SNTG1: variants seen among roughly 807,000 people sequenced by gnomAD.
SNTG1 encodes the protein gamma-1-syntrophin.
Under a neutral mutation model 74.7 loss-of-function variants are expected in SNTG1, and 39 were observed. That is an observed-to-expected ratio of 0.52 (90% CI 0.40 to 0.68). The LOEUF (loss-of-function observed/expected upper bound fraction) is 0.68, where lower values mean the gene tolerates loss of function less well. Ranked by LOEUF, SNTG1 falls within the 30% of genes least tolerant of loss-of-function variation. SNTG1 has a pLI of 0.00. For missense variants in SNTG1, 685 were observed against 609.5 expected (o/e 1.12, Z -1.30); for synonymous variants, 254 against 217.1 (o/e 1.17, Z -1.49).
chr8:50,346,192 T>C (rs1239573520), intron 2 of SNTG1, among the ~76,000 whole-genome samples: 1 of 152,228 alleles, frequency 6.6e-6, no homozygotes, highest in East Asian at 1.9e-4. Flanking sequence ...GTGACAACAG[T>C]GCATCAAGCA....
chr8:50,051,239 GACACACAC>G (rs145739550), intron 1 of SNTG1, among the ~76,000 whole-genome samples: 7 of 147,218 alleles, frequency 4.8e-5, no homozygotes, highest in Admixed American at 1.4e-4. Flanking sequence ...AGAAAATCTT[GACACACAC>G]ACACACACAC....
At chr8:50,641,138 C>T (rs1317880555) in intron 13 of SNTG1, among the ~76,000 whole-genome samples, 1 of 152,124 alleles carries the variant, frequency 6.6e-6, no homozygotes, top group Non-Finnish European at 1.5e-5. Context: ...GCCATAGTGA[C>T]TCATCCCACA....
intron 13 of SNTG1, among the ~76,000 whole-genome samples, chr8:50,633,756 T>TTATC (rs2095019959): frequency 6.6e-6 from 1 of 152,174 alleles, no homozygotes; most frequent in Admixed American, 6.5e-5. Flanking sequence ...GGTACCCATG[T>TTATC]TATCATCTTC....
chr8:50,721,077 A>T (rs1348006002), intron 17 of SNTG1, among the ~76,000 whole-genome samples: 1 of 152,200 alleles, frequency 6.6e-6, no homozygotes, highest in Admixed American at 6.5e-5. Flanking sequence ...TTTGTTCAAC[A>T]TGTAAGCCTT....
intron 11 of SNTG1, among the ~76,000 whole-genome samples, chr8:50,550,815 T>C (rs1409365092): frequency 6.6e-6 from 1 of 152,136 alleles, no homozygotes; most frequent in Non-Finnish European, 1.5e-5. Context: ...GATTTCATAA[T>C]AAATATTAAC....
intron 15 of SNTG1, among the ~76,000 whole-genome samples, chr8:50,695,580 C>T (rs1448220274): frequency 6.6e-6 from 1 of 151,554 alleles, no homozygotes; most frequent in Non-Finnish European, 1.5e-5. Context: ...TTCTAGTGCG[C>T]CTATTACCCA....
chr8:50,509,611 C>G (rs2094046225), intron 9 of SNTG1, among the ~76,000 whole-genome samples: 1 of 152,040 alleles, frequency 6.6e-6, no homozygotes, highest in East Asian at 1.9e-4. Context: ...GTGTGTAGTT[C>G]TCCTTGAAGA....
chr8:50,279,503 T>G (rs1445539266), intron 2 of SNTG1, among the ~76,000 whole-genome samples: 1 of 152,224 alleles, frequency 6.6e-6, no homozygotes, highest in Non-Finnish European at 1.5e-5. Context: ...GTCATTATAA[T>G]CATTTTATGA....
At chr8:50,502,934 T>C in intron 9 of SNTG1, 54 bp downstream of exon 9, 2 of 1,389,816 alleles carry the variant, frequency 1.4e-6, no homozygotes, top group Non-Finnish European at 2.0e-6. Flanking sequence ...AGTTACATAA[T>C]TATTATTTTG....
chr8:50,502,229 T>C (rs570239158), intron 8 of SNTG1, among the ~76,000 whole-genome samples: 1 of 152,184 alleles, frequency 6.6e-6, no homozygotes, highest in South Asian at 2.1e-4. Context: ...TAATGCCTAT[T>C]TATTTTTTGC....
intron 11 of SNTG1, 144 bp from the exon 12 acceptor site, chr8:50,552,906 C>T: frequency 1.1e-6 from 1 of 920,618 alleles, no homozygotes; most frequent in Non-Finnish European, 1.6e-6. Context: ...AACAGAGATG[C>T]TTATAAAGTC....
intron 8 of SNTG1, among the ~76,000 whole-genome samples, chr8:50,478,464 C>T (rs1281802633): frequency 6.6e-6 from 1 of 152,118 alleles, no homozygotes; most frequent in African/African-American, 2.4e-5. Context: ...CCCAAAATTC[C>T]CAGTTTATTA....
chr8:50,602,338 G>T (rs984225115), intron 13 of SNTG1, among the ~76,000 whole-genome samples: 1 of 151,968 alleles, frequency 6.6e-6, no homozygotes, highest in Non-Finnish European at 1.5e-5. Flanking sequence ...CTTAAAACTC[G>T]TAATTTTAAA....
At chr8:50,771,549 G>A (rs947164483) in intron 18 of SNTG1, among the ~76,000 whole-genome samples, 2 of 152,060 alleles carry the variant, frequency 1.3e-5, no homozygotes, top group Non-Finnish European at 2.9e-5. Context: ...TTAAAAATTT[G>A]CAGACCAATT....
intron 2 of SNTG1, among the ~76,000 whole-genome samples, chr8:50,352,687 G>GTCCT (rs1051343197): frequency 9.9e-5 from 15 of 152,252 alleles, no homozygotes; most frequent in African/African-American, 3.4e-4. Flanking sequence ...CAGGCTTTTG[G>GTCCT]TCCTTTCTGT....
At chr8:49,939,466 G>A (rs760718393) in intron 1 of SNTG1, among the ~76,000 whole-genome samples, 4 of 152,184 alleles carry the variant, frequency 2.6e-5, no homozygotes, top group Non-Finnish European at 5.9e-5. Context: ...TTTGTTTGTT[G>A]TTGTTGTTGG....
intron 17 of SNTG1, among the ~76,000 whole-genome samples, chr8:50,737,845 A>C (rs7818025): frequency 6.6e-6 from 1 of 152,014 alleles, no homozygotes; most frequent in South Asian, 2.1e-4. Context: ...AAAGGCCTTC[A>C]ATAAAATTCA....
intron 9 of SNTG1, among the ~76,000 whole-genome samples, chr8:50,517,875 C>T (rs550630636): frequency 6.6e-6 from 1 of 152,146 alleles, no homozygotes; most frequent in African/African-American, 2.4e-5. Flanking sequence ...TAACACCCCA[C>T]TGTCAATATT....
intron 1 of SNTG1, among the ~76,000 whole-genome samples, chr8:50,050,186 A>C (rs1819448884): frequency 6.6e-6 from 1 of 151,960 alleles, no homozygotes; most frequent in Non-Finnish European, 1.5e-5. Flanking sequence ...AAAATCAATA[A>C]AATCAAAACA....
Sources: allele counts gnomAD v4.1 joint callset (sites outside exome capture counted in the v4.1 genomes callset), GRCh38; gene constraint gnomAD v4.1.1; transcripts MANE v1.5; gene names NCBI Gene and HGNC (gene_info 2026-07-23, HGNC 2026-07-21).